Variants in ENTPD6 observed in about 807,000 individuals in gnomAD.
The protein encoded by ENTPD6 is ectonucleoside triphosphate diphosphohydrolase 6.
A neutral mutation model predicts 61.5 loss-of-function variants in ENTPD6; 46 were observed. That is an observed-to-expected ratio of 0.75 (90% CI 0.59 to 0.96). The LOEUF (loss-of-function observed/expected upper bound fraction) is 0.96. ENTPD6 is among the 40% of genes least tolerant of loss of function. The probability of loss-of-function intolerance (pLI) is 0.00; values close to 1 mark genes in which losing one functional copy is unlikely to be tolerated. For synonymous variants in ENTPD6, 252 were observed against 255.5 expected, an observed-to-expected ratio of 0.99 and a Z score of 0.13; for missense variants, 612 against 629.0, an observed-to-expected ratio of 0.97 and a Z score of 0.29.
chr20:25,210,057 A>G (rs1372601829), intron 4 of ENTPD6, 132 bp downstream of exon 4: 21 of 839,878 alleles, frequency 2.5e-5, no homozygotes, highest in Non-Finnish European at 3.9e-5. Context: ...ATTTCATGCC[A>G]TTTGGGATGG....
At chr20:25,213,470 A>C in intron 5 of ENTPD6, 64 bp downstream of exon 5, 1 of 1,513,116 alleles carries the variant, frequency 6.6e-7, no homozygotes, top group Non-Finnish European at 8.9e-7. Flanking sequence ...ACTGAAAACA[A>C]CTGCTGTCTC....
chr20:25,198,372 A>T, intron 1 of ENTPD6, among the ~76,000 whole-genome samples: 1 of 152,040 alleles, frequency 6.6e-6, no homozygotes, highest in East Asian at 1.9e-4. Context: ...GGTACTTGGG[A>T]GGCTGAGGCA....
In ENTPD6 at chr20:25,214,024, G is replaced by A. The variant is rs141733602; in HGVS notation, c.597+618G>A. The stretch of plus-strand genomic sequence containing the variant: ...CAGAAGTTTGTGTGTGCTGAGCCCC[G>A]GTGCTGCAGCTGAAGCCCGTTTGTT... On this transcript the variant is annotated intron_variant, in intron 5 of 14. Coordinates refer to ENST00000376652, the MANE Select transcript of ENTPD6 (RefSeq NM_001247.5). Among the ~76,000 whole-genome samples the A allele has an allele frequency of 1.6e-4, 25 of 152,298 alleles. No homozygotes were observed. The East Asian group carries it at 3.9e-3, about 24-fold the overall frequency.
At chr20:25,209,980 T>G in intron 4 of ENTPD6, 55 bp downstream of exon 4, 8 of 1,461,674 alleles carry the variant, frequency 5.5e-6, no homozygotes, top group Non-Finnish European at 7.7e-6. Flanking sequence ...TTCAAGCCAG[T>G]TCTTTTCCTT....
chr20:25,213,301 A>T lies in ENTPD6; in HGVS notation c.492A>T (p.Lys164Asn). The T allele has an allele frequency of 1.2e-6, 2 of 1,614,228 alleles. No individual in the cohort carries two copies. The highest frequency in any genetic ancestry group is 1.7e-6 in the Non-Finnish European group (2 of 1,180,036). ...TCCGGGAACTACTGGATGTTGCTAA[A>T]CAGGACATTCCGTTCGACTTCTGGA... ...QGIRELLDVA[K>N]QDIPFDFWKA... The change falls in exon 5 of 15, where the codon AAA (lysine) becomes AAT (asparagine). Residue 164 changes from lysine (K) to asparagine (N), a missense_variant. Lys to Asn is a moderately conservative substitution (Grantham distance 94). Coordinates refer to ENST00000376652, the MANE Select transcript of ENTPD6 (RefSeq NM_001247.5).
chr20:25,222,487 G>C (rs927795571), intron 11 of ENTPD6: 6 of 230,142 alleles, frequency 2.6e-5, no homozygotes, highest in Middle Eastern at 1.7e-3. Context: ...CCCTGAGGAG[G>C]TGGGACTCCG....
At chr20:25,206,387 A>G (rs1278278455) in intron 1 of ENTPD6, 135 bp from the exon 2 acceptor site, 1 of 666,382 alleles carries the variant, frequency 1.5e-6, no homozygotes, top group African/African-American at 1.8e-5. Context: ...TGGAGCAGCC[A>G]ATGAAACTTG....
intron 4 of ENTPD6, 31 bp from the exon 5 acceptor site, chr20:25,213,232 A>G: frequency 1.2e-6 from 2 of 1,614,094 alleles, no homozygotes; most frequent in Non-Finnish European, 1.7e-6. Context: ...TGCACTTGAC[A>G]GACCCTGCTT....
At chr20:25,218,667 T>G in intron 10 of ENTPD6, 53 bp downstream of exon 10, 1 of 1,520,162 alleles carries the variant, frequency 6.6e-7, no homozygotes, top group Non-Finnish European at 8.9e-7. Context: ...CCCTCCATTC[T>G]CAGTGGGAAC....
chr20:25,199,737 CT>C lies in ENTPD6; in HGVS notation c.-16+3875del, dbSNP rs371871475. Among the ~76,000 whole-genome samples the C allele has an allele frequency of 5.2e-3, 790 of 152,278 alleles. 6 individuals carry two copies. The highest frequency in any genetic ancestry group is 0.018 in the African/African-American group (749 of 41,550). ...GTAAGTGGAATCCTACAATATTTGT[CT>C]TTTTGTGACTGGCTTATTTCACTTA... On this transcript the variant is annotated intron_variant, in intron 1 of 14. Transcript: ENST00000376652.
chr20:25,196,634 C>T (rs1261352809), intron 1 of ENTPD6, among the ~76,000 whole-genome samples: 1 of 152,158 alleles, frequency 6.6e-6, no homozygotes, highest in African/African-American at 2.4e-5. Flanking sequence ...TGCGCGAAGC[C>T]ACACATCCCA....
chr20:25,216,788 C>A, intron 8 of ENTPD6, 52 bp downstream of exon 8: 1 of 1,295,842 alleles, frequency 7.7e-7, no homozygotes, highest in Non-Finnish European at 1.1e-6. Context: ...GCCACACCGC[C>A]ATGGGGGTGC....
intron 1 of ENTPD6, among the ~76,000 whole-genome samples, chr20:25,200,157 A>G (rs1174187130): frequency 4.6e-5 from 7 of 152,216 alleles, no homozygotes; most frequent in Non-Finnish European, 1.0e-4. Context: ...TTTGTTTGAT[A>G]GTGGCTGTCC....
At chr20:25,196,119 A>C in intron 1 of ENTPD6, 1 of 1,190,148 alleles carries the variant, frequency 8.4e-7, no homozygotes, top group Non-Finnish European at 1.0e-6. Flanking sequence ...CTGTAGCCCC[A>C]GGGGGCCCCA....
chr20:25,217,715 T>TC (rs905330160), intron 9 of ENTPD6, 134 bp downstream of exon 9: 1 of 736,032 alleles, frequency 1.4e-6, no homozygotes, highest in African/African-American at 1.7e-5. Flanking sequence ...CAGACCTCTC[T>TC]CTCCTCCTCC....
At chr20:25,196,164 C>A (rs1263223152) in intron 1 of ENTPD6, 5 of 1,211,284 alleles carry the variant, frequency 4.1e-6, no homozygotes, top group Non-Finnish European at 5.1e-6. Context: ...CCCGCTTTTG[C>A]GGACCCGCCC....
At position 25,220,719 on chromosome 20, in the gene ENTPD6, T is replaced by C. The variant is rs576451967; in HGVS notation, c.944-513T>C. The stretch of plus-strand genomic sequence containing the variant: ...AGAGTCCAGGGATGGGACCAGCACC[T>C]TTCGGTGGGACAGCAGCCTGCCATC... On this transcript the variant is annotated intron_variant, in intron 10 of 14. Transcript: ENST00000376652. 8.5e-5 allele frequency among the ~76,000 whole-genome samples: 13 copies of C among 152,350 alleles called. No individual in the cohort carries two copies. In the South Asian group the frequency reaches 2.5e-3, roughly 29 times the overall value.
intron 1 of ENTPD6, among the ~76,000 whole-genome samples, chr20:25,202,507 G>A (rs911725725): frequency 1.3e-5 from 2 of 151,946 alleles, no homozygotes; most frequent in African/African-American, 4.8e-5. Context: ...TGTAGTTTCC[G>A]TTTTTGATTC....
At chr20:25,208,999 C>T (rs2091736523) in intron 3 of ENTPD6, among the ~76,000 whole-genome samples, 1 of 152,040 alleles carries the variant, frequency 6.6e-6, no homozygotes, top group Admixed American at 6.5e-5. Flanking sequence ...TCACTGCAAC[C>T]TCCGCCTCCT....
Sources: gnomAD v4.1 joint callset for allele counts (sites outside exome capture counted in the v4.1 genomes callset) on GRCh38, gnomAD v4.1.1 for gene constraint, MANE v1.5 for transcripts, NCBI Gene and HGNC (gene_info 2026-07-23, HGNC 2026-07-21) for gene names.